ELP3: variants seen among roughly 807,000 people sequenced by gnomAD.
ELP3 encodes elongator acetyltransferase complex subunit 3, also known as elongator complex protein 3.
In ELP3, 56 loss-of-function variants were observed where a neutral mutation model predicts 74.9. That is an observed-to-expected ratio of 0.75 (90% confidence interval 0.60 to 0.93). The LOEUF (loss-of-function observed/expected upper bound fraction) is 0.93. Among genes scored for constraint, ELP3 ranks in the 40% least tolerant of loss-of-function variants. The pLI, the probability that ELP3 is intolerant of heterozygous loss-of-function variation, is 0.00. For synonymous variants in ELP3, 222 were observed against 239.8 expected (o/e 0.93, Z 0.68); for missense variants, 573 against 686.5 (o/e 0.83, Z 1.85).
chr8:28,187,337 G>T (rs538208735), intron 14 of ELP3, among the ~76,000 whole-genome samples: 1 of 152,136 alleles, frequency 6.6e-6, no homozygotes, highest in East Asian at 1.9e-4. Context: ...AATATTTACC[G>T]TGTACCTCAC....
At chr8:28,117,231 C>G (rs183409776) in intron 7 of ELP3, among the ~76,000 whole-genome samples, 1 of 152,254 alleles carries the variant, frequency 6.6e-6, no homozygotes, top group East Asian at 1.9e-4. Flanking sequence ...CAACTAAGAT[C>G]TGCATAGTGA....
chr8:28,190,466 G>GT lies in ELP3; in HGVS notation c.*742dup. 1 of 152,186 alleles carries GT rather than the reference G, an allele frequency of 6.6e-6. No individual in the cohort carries two copies. The highest frequency in any genetic ancestry group is 1.9e-4 in the East Asian group (1 of 5,196). 9.4% of individuals were successfully genotyped at this position (152,186 alleles called of 1,614,324 possible). A position where few individuals can be genotyped will look rare whatever the true frequency, so the allele number is the denominator to read the frequency against. On this transcript the variant is annotated 3_prime_UTR_variant, in exon 15 of 15. Transcript: ENST00000256398. ...AGCAGTGTGGGCAGCCCCAAGTGTG[G>GT]TCCCCAGAGAGCGTTTGGCTTTCCT...
At chr8:28,101,590 C>CTTT (rs11406521) in intron 3 of ELP3, among the ~76,000 whole-genome samples, 14 of 143,028 alleles carry the variant, frequency 9.8e-5, no homozygotes, top group East Asian at 6.1e-4. Context: ...TCTTGACTTT[C>CTTT]TTTTTTTTTT....
At chr8:28,100,907 G>C (rs143398649) in intron 3 of ELP3, among the ~76,000 whole-genome samples, 1 of 152,242 alleles carries the variant, frequency 6.6e-6, no homozygotes, top group East Asian at 1.9e-4. Flanking sequence ...ACCAAATTCT[G>C]TTCCTAATGT....
chr8:28,099,449 G>A (rs1055344930), intron 2 of ELP3, among the ~76,000 whole-genome samples: 10 of 152,110 alleles, frequency 6.6e-5, no homozygotes, highest in Non-Finnish European at 1.0e-4. Flanking sequence ...CCCTCAATTC[G>A]CTGGCCACCT....
intron 7 of ELP3, among the ~76,000 whole-genome samples, chr8:28,128,593 A>G (rs1045141695): frequency 1.3e-5 from 2 of 152,222 alleles, no homozygotes; most frequent in African/African-American, 4.8e-5. Flanking sequence ...AGGTGGACCC[A>G]ACTTCAGATC....
At chr8:28,176,461 A>T (rs372966409) in intron 14 of ELP3, among the ~76,000 whole-genome samples, 1 of 152,108 alleles carries the variant, frequency 6.6e-6, no homozygotes, top group Non-Finnish European at 1.5e-5. Context: ...ATAAGTTACC[A>T]TTCCTGTGGC....
At chr8:28,141,563 T>A (rs1282562079) in intron 10 of ELP3, among the ~76,000 whole-genome samples, 1 of 152,186 alleles carries the variant, frequency 6.6e-6, no homozygotes, top group Non-Finnish European at 1.5e-5. Flanking sequence ...AACTTCCTCA[T>A]TTTGATGGTT....
At chr8:28,106,832 A>C (rs1338857364) in intron 4 of ELP3, 49 bp downstream of exon 4, 1 of 1,429,936 alleles carries the variant, frequency 7.0e-7, no homozygotes. Context: ...AATTAAGCTA[A>C]ATATGCCCCC....
chr8:28,175,924 C>A (rs1165719139), intron 14 of ELP3, among the ~76,000 whole-genome samples: 2 of 148,102 alleles, frequency 1.4e-5, no homozygotes, highest in African/African-American at 5.0e-5. Context: ...AAGCTATTCT[C>A]CTGCCTCAGC....
intron 9 of ELP3, among the ~76,000 whole-genome samples, chr8:28,134,148 CCT>C (rs1329660606): frequency 6.6e-6 from 1 of 152,144 alleles, no homozygotes; most frequent in African/African-American, 2.4e-5. Flanking sequence ...TGTTCCCCAC[CCT>C]GTGTCCCAGT....
intron 11 of ELP3, among the ~76,000 whole-genome samples, chr8:28,157,710 A>G (rs1487018719): frequency 6.6e-6 from 1 of 152,216 alleles, no homozygotes; most frequent in Non-Finnish European, 1.5e-5. Flanking sequence ...TGGGGGGGAA[A>G]TATACCATAA....
In ELP3 at chr8:28,113,147, T is replaced by C; in HGVS notation, c.591T>C (p.Thr197=). 1 of 1,613,358 alleles carries C rather than the reference T, an allele frequency of 6.2e-7. No homozygotes were observed. Among genetic ancestry groups the C allele is most frequent in the South Asian group, 1.1e-5 (1 of 90,894 alleles). The change falls in exon 7 of 15, where the codon ACT becomes ACC. Residue 197 remains threonine (T), a synonymous_variant. Transcript: ENST00000256398. ...RNLHDALSGH[T]SNNIYEAVKY... ...TACATGATGCCTTATCAGGACATAC[T>C]TCCAACAATATTTACGAGGCAGTCA... is the stretch of plus-strand genomic sequence containing the variant.
chr8:28,148,447 G>A (rs1292060174), intron 10 of ELP3, among the ~76,000 whole-genome samples: 2 of 152,052 alleles, frequency 1.3e-5, no homozygotes, highest in African/African-American at 2.4e-5. Flanking sequence ...CTGAGACAGG[G>A]CATCATTTCT....
At chr8:28,158,726 A>G (rs1272413742) in intron 12 of ELP3, 93 bp downstream of exon 12, 2 of 974,574 alleles carry the variant, frequency 2.1e-6, no homozygotes, top group Non-Finnish European at 3.3e-6. Context: ...ACAGAGCCCC[A>G]GGAGTGAATA....
At chr8:28,181,957 T>G (rs983039706) in intron 14 of ELP3, among the ~76,000 whole-genome samples, 18 of 115,120 alleles carry the variant, frequency 1.6e-4, no homozygotes, top group African/African-American at 5.3e-4. Flanking sequence ...TCAAGTGGTT[T>G]TCTTTGTTTG....
intron 10 of ELP3, among the ~76,000 whole-genome samples, chr8:28,150,760 T>C (rs1231922745): frequency 6.6e-6 from 1 of 152,230 alleles, no homozygotes; most frequent in Non-Finnish European, 1.5e-5. Context: ...TGGTGTCTGA[T>C]ATTAATTCTG....
intron 14 of ELP3, among the ~76,000 whole-genome samples, chr8:28,176,533 GT>G (rs1354294581): frequency 1.3e-5 from 2 of 152,172 alleles, no homozygotes; most frequent in Non-Finnish European, 2.9e-5. Flanking sequence ...CCTGAGTGAA[GT>G]TTTACAGCCT....
At position 28,121,321 on chromosome 8, in the gene ELP3, A is replaced by AT. The variant is rs1441742573; in HGVS notation, c.617+8150dup. Reference sequence around the variant, plus strand: ...ATTTTTAAATTTTATTATTATTATTATTATTTTTTTTTTTTTGAATCGGAG... The same window carrying AT: ...ATTTTTAAATTTTATTATTATTATTATTTATTTTTTTTTTTTTGAATCGGAG... On this transcript the variant is annotated intron_variant, in intron 7 of 14. Coordinates refer to ENST00000256398, the MANE Select transcript of ELP3 (RefSeq NM_018091.6). Among the ~76,000 whole-genome samples, 1,200 of 141,232 alleles carry AT rather than the reference A, an allele frequency of 8.5e-3. 20 individuals carry two copies. Among genetic ancestry groups the AT allele is most frequent in the African/African-American group, 0.023 (893 of 38,638 alleles). 92.7% of individuals were successfully genotyped at this position (141,232 alleles called of 152,430 possible).
Sources: allele counts gnomAD v4.1 joint callset (sites outside exome capture counted in the v4.1 genomes callset), GRCh38; gene constraint gnomAD v4.1.1; transcripts MANE v1.5; gene names NCBI Gene and HGNC (gene_info 2026-07-23, HGNC 2026-07-21).